Variants in HHIP observed in about 807,000 individuals in gnomAD.
The protein encoded by HHIP is hedgehog-interacting protein.
A neutral mutation model predicts 74.0 loss-of-function variants in HHIP; 12 were observed. The ratio of observed to expected loss-of-function variants is 0.16; its 90% confidence interval spans 0.10 to 0.26. HHIP has a LOEUF of 0.26. HHIP is among the 10% of genes least tolerant of loss of function. The pLI is 1.00. For synonymous variants in HHIP, 309 were observed against 311.6 expected (o/e 0.99, Z 0.09); for missense variants, 788 against 845.0 (o/e 0.93, Z 0.84).
chr4:144,674,057 T>C (rs941680696), intron 4 of HHIP, among the ~76,000 whole-genome samples: 3 of 152,240 alleles, frequency 2.0e-5, no homozygotes, highest in Non-Finnish European at 4.4e-5. Flanking sequence ...CTTGAGAGAA[T>C]TCCCATGATG....
intron 4 of HHIP, among the ~76,000 whole-genome samples, chr4:144,703,693 A>G (rs893669066): frequency 1.3e-5 from 2 of 152,200 alleles, no homozygotes; most frequent in Non-Finnish European, 2.9e-5. Flanking sequence ...AGAAGGAAGT[A>G]CAGGAGGCTG....
In HHIP at chr4:144,741,031, A is replaced by G. The variant is rs1414588243; in HGVS notation, c.*3074A>G. 6.6e-6 allele frequency: 1 copy of G among 152,178 alleles called. No individual in the cohort carries two copies. The highest frequency in any genetic ancestry group is 1.9e-4 in the East Asian group (1 of 5,194). 9.4% of individuals were successfully genotyped at this position (152,178 alleles called of 1,614,324 possible). A position where few individuals can be genotyped will look rare whatever the true frequency, so the allele number is the denominator to read the frequency against. On this transcript the variant is annotated 3_prime_UTR_variant, in exon 13 of 13. Coordinates refer to ENST00000296575, the MANE Select transcript of HHIP (RefSeq NM_022475.3). ...TAATAAAAGGAACACAATTTGGCAG[A>G]TCTTTAAGTGAAAGAGAGAAAAAAT...
Position 144,725,626 on chromosome 4 carries a change from C to A in HHIP, c.1760+6670C>A, listed in dbSNP as rs112990874. 2.0e-3 allele frequency among the ~76,000 whole-genome samples: 307 copies of A among 151,616 alleles called. 2 individuals carry two copies. The highest frequency in any genetic ancestry group is 6.9e-3 in the African/African-American group (286 of 41,302). On this transcript the variant is annotated intron_variant, in intron 11 of 12. Transcript: ENST00000296575. Reference sequence around the variant, plus strand: ...AGTCTTTTGAATTATGTTGTAATACCAGTGTTATTTATTTATTCTGTGGGT... The same window carrying A: ...AGTCTTTTGAATTATGTTGTAATACAAGTGTTATTTATTTATTCTGTGGGT...
At chr4:144,705,410 C>T (rs1038817497) in intron 4 of HHIP, among the ~76,000 whole-genome samples, 1 of 152,040 alleles carries the variant, frequency 6.6e-6, no homozygotes, top group Non-Finnish European at 1.5e-5. Flanking sequence ...GAAGGAATAA[C>T]TTCTCATAGC....
intron 2 of HHIP, chr4:144,654,898 A>T (rs571333136): frequency 6.6e-6 from 1 of 152,322 alleles, no homozygotes; most frequent in Admixed American, 6.5e-5. Context: ...TCTTTCTACA[A>T]ATCAAAAACT....
chr4:144,682,794 A>G (rs953289020), intron 4 of HHIP, among the ~76,000 whole-genome samples: 2 of 152,218 alleles, frequency 1.3e-5, no homozygotes, highest in African/African-American at 4.8e-5. Context: ...TGTGAAATAT[A>G]TTTTTCAAAG....
At chr4:144,701,136 C>T (rs978895186) in intron 4 of HHIP, among the ~76,000 whole-genome samples, 99 of 152,248 alleles carry the variant, frequency 6.5e-4, no homozygotes, top group African/African-American at 2.3e-3. Flanking sequence ...AATACCACCA[C>T]TCTATTCTTA....
Position 144,742,343 on chromosome 4 carries a change from T to C in HHIP, c.*4386T>C, listed in dbSNP as rs1037774440. 3 of 152,072 alleles carry C rather than the reference T, an allele frequency of 2.0e-5. No homozygotes were observed. Among genetic ancestry groups the C allele is most frequent in the African/African-American group, 7.2e-5 (3 of 41,394 alleles). 9.4% of individuals were successfully genotyped at this position (152,072 alleles called of 1,614,324 possible). A position where few individuals can be genotyped will look rare whatever the true frequency, so the allele number is the denominator to read the frequency against. ...ATACTAGGCTGATCTATTACAATCA[T>C]TGAAAGAAATAAGGAAGAGCAGAAA... On this transcript the variant is annotated 3_prime_UTR_variant, in exon 13 of 13. Coordinates refer to ENST00000296575, the MANE Select transcript of HHIP (RefSeq NM_022475.3).
At chr4:144,688,685 TA>T (rs1168587604) in intron 4 of HHIP, among the ~76,000 whole-genome samples, 2 of 152,222 alleles carry the variant, frequency 1.3e-5, no homozygotes, top group African/African-American at 4.8e-5. Context: ...AGAAACTATG[TA>T]AACTGGTAGA....
intron 4 of HHIP, among the ~76,000 whole-genome samples, chr4:144,697,316 C>T (rs1461647775): frequency 6.6e-6 from 1 of 151,798 alleles, no homozygotes; most frequent in South Asian, 2.1e-4. Context: ...GATTTTTATG[C>T]TTTTTGGAGG....
At chr4:144,728,163 C>T (rs774706082) in intron 11 of HHIP, among the ~76,000 whole-genome samples, 13 of 152,140 alleles carry the variant, frequency 8.5e-5, no homozygotes, top group African/African-American at 2.4e-4. Flanking sequence ...ACCTGTGGCT[C>T]GATTCACTAA....
rs1395974753 is a variant in HHIP, at chr4:144,741,230, A to G, written c.*3273A>G. ...AAAGAGTAGAGAAACCAACACATAC[A>G]ATATATACACACAACCTAAATAGAA... On this transcript the variant is annotated 3_prime_UTR_variant, in exon 13 of 13. Transcript: ENST00000296575. 3.9e-5 allele frequency: 6 copies of G among 152,066 alleles called. No homozygotes were observed. Among genetic ancestry groups the G allele is most frequent in the African/African-American group, 1.2e-4 (5 of 41,412 alleles). The allele number at this position is 152,066 out of a possible 1,614,324, so 9.4% of individuals were successfully genotyped here. A position where few individuals can be genotyped will look rare whatever the true frequency, so the allele number is the denominator to read the frequency against.
chr4:144,722,713 G>A (rs1236015305), intron 11 of HHIP, among the ~76,000 whole-genome samples: 1 of 152,116 alleles, frequency 6.6e-6, no homozygotes, highest in Non-Finnish European at 1.5e-5. Flanking sequence ...AATTAGCTGG[G>A]CATGGTAGTG....
rs964763065 is a variant in HHIP, at chr4:144,696,542, G to C, written c.832-9989G>C. ...TCATGAACAATGGGTGCTGATAAGA[G>C]AATACAGTCTCTTCTTTTTTTGTTC... On this transcript the variant is annotated intron_variant, in intron 4 of 12. Transcript: ENST00000296575. 5.3e-5 allele frequency among the ~76,000 whole-genome samples: 8 copies of C among 151,960 alleles called. No individual in the cohort carries two copies. In the South Asian group the frequency reaches 8.3e-4, roughly 16 times the overall value.
chr4:144,689,057 C>A (rs2126631857), intron 4 of HHIP, among the ~76,000 whole-genome samples: 1 of 152,310 alleles, frequency 6.6e-6, no homozygotes, highest in East Asian at 1.9e-4. Context: ...AAGAATCTTT[C>A]TATCAATTGC....
intron 11 of HHIP, among the ~76,000 whole-genome samples, chr4:144,723,917 T>TA (rs1189814231): frequency 1.6e-4 from 25 of 152,360 alleles, no homozygotes; most frequent in African/African-American, 5.0e-4. Context: ...ATGTATCCAG[T>TA]AACCAAAGAT....
chr4:144,687,710 C>G lies in HHIP; in HGVS notation c.832-18821C>G, dbSNP rs115513150. On this transcript the variant is annotated intron_variant, in intron 4 of 12. Coordinates refer to ENST00000296575, the MANE Select transcript of HHIP (RefSeq NM_022475.3). The stretch of plus-strand genomic sequence containing the variant: ...GAGCCATAAAACTCACTGGTCTAGT[C>G]AGTGCTTTAGATGTTTCAGGTGCCT... Among the ~76,000 whole-genome samples, 455 of 145,622 alleles carry G rather than the reference C, an allele frequency of 3.1e-3. 4 individuals are homozygous for G. Among genetic ancestry groups the G allele is most frequent in the African/African-American group, 0.011 (438 of 39,506 alleles).
chr4:144,695,892 T>C (rs981130467), intron 4 of HHIP, among the ~76,000 whole-genome samples: 1 of 151,910 alleles, frequency 6.6e-6, no homozygotes, highest in African/African-American at 2.4e-5. Context: ...TGCATGTCCA[T>C]GCCTGCAATT....
At chr4:144,688,443 T>C (rs1183487755) in intron 4 of HHIP, among the ~76,000 whole-genome samples, 3 of 152,154 alleles carry the variant, frequency 2.0e-5, no homozygotes, top group East Asian at 1.9e-4. Context: ...GCATAATTTA[T>C]GCAAGTGTTG....
Sources: allele counts gnomAD v4.1 joint callset (sites outside exome capture counted in the v4.1 genomes callset), GRCh38; gene constraint gnomAD v4.1.1; transcripts MANE v1.5; gene names NCBI Gene and HGNC (gene_info 2026-07-23, HGNC 2026-07-21).